The following UBA6 variants were observed in gnomAD, a reference collection of about 807,000 sequenced individuals.
UBA6 encodes ubiquitin like modifier activating enzyme 6, also known as ubiquitin-like modifier-activating enzyme 6.
A neutral mutation model predicts 148.3 loss-of-function variants in UBA6; 87 were observed. The ratio of observed to expected loss-of-function variants is 0.59; its 90% CI spans 0.49 to 0.70. The LOEUF (loss-of-function observed/expected upper bound fraction) is 0.70, where lower values mean the gene tolerates loss of function less well. Ranked by LOEUF, UBA6 falls within the 30% of genes least tolerant of loss-of-function variation. The pLI, the probability that UBA6 is intolerant of heterozygous loss-of-function variation, is 0.00. For synonymous variants in UBA6, 376 were observed against 401.0 expected (o/e 0.94, Z 0.75); for missense variants, 1,186 against 1,241.2 (o/e 0.96, Z 0.67).
At position 67,616,381 on chromosome 4, in the gene UBA6, G is replaced by C. The variant is rs966730565; in HGVS notation, c.*2616C>G. 5 of 340,996 alleles carry C rather than the reference G, an allele frequency of 1.5e-5. No homozygotes were observed. Among genetic ancestry groups the C allele is most frequent in the African/African-American group, 8.4e-5 (4 of 47,472 alleles). 21.1% of individuals were successfully genotyped at this position (340,996 alleles called of 1,614,324 possible). On this transcript the variant is annotated 3_prime_UTR_variant, in exon 33 of 33. Transcript: ENST00000322244. ...TTTTACTAATTATAAAATAAACATA[G>C]TTGCTTTTTTAATGTTCCATGAATA...
At chr4:67,660,363 T>C (rs1199126638) in intron 13 of UBA6, among the ~76,000 whole-genome samples, 2 of 152,142 alleles carry the variant, frequency 1.3e-5, no homozygotes, top group Non-Finnish European at 2.9e-5. Context: ...AAAATGGTTT[T>C]GTGGGGTGGG....
At chr4:67,634,843 A>G (rs1729098356) in intron 20 of UBA6, among the ~76,000 whole-genome samples, 1 of 152,132 alleles carries the variant, frequency 6.6e-6, no homozygotes, top group Non-Finnish European at 1.5e-5. Context: ...TTAAAGTTTT[A>G]TAACACTGCC....
At chr4:67,620,022 A>C (rs1351008830) in intron 32 of UBA6, among the ~76,000 whole-genome samples, 1 of 152,160 alleles carries the variant, frequency 6.6e-6, no homozygotes, top group Non-Finnish European at 1.5e-5. Context: ...CCAGGCTCTG[A>C]ACTATATCGA....
Position 67,618,316 on chromosome 4 carries a change from T to C in UBA6, c.*681A>G, listed in dbSNP as rs1728674860. 6.6e-6 allele frequency: 1 copy of C among 152,626 alleles called. No individual in the cohort carries two copies. The highest frequency in any genetic ancestry group is 2.4e-5 in the African/African-American group (1 of 41,456). The allele number at this position is 152,626 out of a possible 1,614,324, so 9.5% of individuals were successfully genotyped here. On this transcript the variant is annotated 3_prime_UTR_variant, in exon 33 of 33. Coordinates refer to ENST00000322244, the MANE Select transcript of UBA6 (RefSeq NM_018227.6). ...AAGAGCGTTGTGAGAGTCCATATAA[T>C]ACTGTTCACGTTTAGTCTAAGTTAA...
At chr4:67,664,322 T>TA (rs1485709012) in intron 10 of UBA6, among the ~76,000 whole-genome samples, 6 of 151,546 alleles carry the variant, frequency 4.0e-5, no homozygotes, top group Middle Eastern at 3.4e-3. Context: ...AAACCCCCCC[T>TA]AAAAAAAACC....
intron 6 of UBA6, among the ~76,000 whole-genome samples, chr4:67,676,791 C>T (rs1430035624): frequency 6.6e-6 from 1 of 151,808 alleles, no homozygotes; most frequent in East Asian, 1.9e-4. Flanking sequence ...AAAAGAAAGT[C>T]TGTTTAGAAA....
chr4:67,631,876 G>A lies in UBA6; in HGVS notation c.2175C>T (p.Asp725=), dbSNP rs1357445177. The A allele has an allele frequency of 1.9e-6, 3 of 1,612,348 alleles. No homozygotes were observed. The highest frequency in any genetic ancestry group is 8.5e-7 in the Non-Finnish European group (1 of 1,179,206). ...ACTTACTGCCATCTTTTAATCGTAT[G>A]TCCAGAGGGAAACAGTGAAGAAGCT... The part of the protein sequence containing the change: ...ALQLLHCFPL[D]IRLKDGSLFW... Residue 725 remains aspartate (D), a synonymous_variant, in exon 24 of 33, where the codon GAC becomes GAT. Transcript: ENST00000322244.
chr4:67,615,581 A>C lies in UBA6; in HGVS notation c.*3416T>G, dbSNP rs961498417. On this transcript the variant is annotated 3_prime_UTR_variant, in exon 33 of 33. Coordinates refer to ENST00000322244, the MANE Select transcript of UBA6 (RefSeq NM_018227.6). The stretch of plus-strand genomic sequence containing the variant: ...TACTCTTTGTACTAGGAGTTACATA[A>C]AATGATGTTCATTGTGAAACTGTAA... The C allele has an allele frequency of 6.6e-6, 1 of 152,222 alleles. No individual in the cohort carries two copies. Among genetic ancestry groups the C allele is most frequent in the African/African-American group, 2.4e-5 (1 of 41,450 alleles). The allele number at this position is 152,222 out of a possible 1,614,324, so 9.4% of individuals were successfully genotyped here.
intron 12 of UBA6, 135 bp from the exon 13 acceptor site, chr4:67,662,390 A>G (rs1339542412): frequency 9.5e-6 from 6 of 629,196 alleles, no homozygotes; most frequent in Non-Finnish European, 1.6e-5. Context: ...AAAATGTTGT[A>G]CTGATTTAAA....
intron 1 of UBA6, 71 bp downstream of exon 1, chr4:67,700,974 GGAAA>G (rs1730967951): frequency 1.3e-6 from 2 of 1,584,950 alleles, no homozygotes; most frequent in South Asian, 1.1e-5. Context: ...CCAGCCCGCC[GGAAA>G]GAAAGAAGCA....
At position 67,696,507 on chromosome 4, in the gene UBA6, A is replaced by G. The variant is rs150721497; in HGVS notation, c.134+138T>C. 1.7e-3 allele frequency: 1,008 copies of G among 583,926 alleles called. 10 individuals are homozygous for G. The African/African-American group carries it at 0.018, about 10-fold the overall frequency. The allele number at this position is 583,926 out of a possible 1,614,324, so 36.2% of individuals were successfully genotyped here. ...TACACACACATATATATACACACAT[A>G]CATATATACATACACACACACACAC... is the stretch of plus-strand genomic sequence containing the variant. On this transcript the variant is annotated intron_variant, in intron 2 of 32. Transcript: ENST00000322244.
intron 2 of UBA6, among the ~76,000 whole-genome samples, chr4:67,683,223 T>C (rs1373419919): frequency 6.6e-6 from 1 of 152,250 alleles, no homozygotes; most frequent in Non-Finnish European, 1.5e-5. Context: ...AAAGTTCTTA[T>C]ATAGTCTTAC....
chr4:67,691,182 A>C (rs747712968), intron 2 of UBA6, among the ~76,000 whole-genome samples: 61 of 152,152 alleles, frequency 4.0e-4, no homozygotes, highest in Non-Finnish European at 7.1e-4. Flanking sequence ...AGAAATACCC[A>C]AAAATTAAGA....
intron 19 of UBA6, 22 bp downstream of exon 19, chr4:67,638,921 A>T (rs750200640): frequency 6.4e-7 from 1 of 1,553,406 alleles, no homozygotes; most frequent in South Asian, 1.2e-5. Context: ...ATTCTGTAGG[A>T]ACATGAATTT....
At chr4:67,627,125 T>C (rs1014582371) in intron 27 of UBA6, among the ~76,000 whole-genome samples, 5 of 151,950 alleles carry the variant, frequency 3.3e-5, no homozygotes, top group African/African-American at 1.2e-4. Context: ...ACTTATTAGA[T>C]ATTCCCTGAG....
chr4:67,672,675 A>G (rs768940045), intron 7 of UBA6, among the ~76,000 whole-genome samples: 4 of 152,106 alleles, frequency 2.6e-5, no homozygotes, highest in Middle Eastern at 3.4e-3. Context: ...TTACCACTCT[A>G]TTTTGGTCCT....
At chr4:67,660,711 T>A (rs1038341148) in intron 13 of UBA6, among the ~76,000 whole-genome samples, 1 of 152,172 alleles carries the variant, frequency 6.6e-6, no homozygotes, top group African/African-American at 2.4e-5. Context: ...CACTGCCTAG[T>A]AGAGCTGTGA....
chr4:67,688,885 T>C (rs909291573), intron 2 of UBA6, among the ~76,000 whole-genome samples: 10 of 152,246 alleles, frequency 6.6e-5, no homozygotes, highest in African/African-American at 1.7e-4. Flanking sequence ...AAAAAACCTG[T>C]GTATCTAGTA....
intron 29 of UBA6, 120 bp from the exon 30 acceptor site, chr4:67,624,373 G>A (rs1021416962): frequency 1.4e-5 from 12 of 843,554 alleles, no homozygotes; most frequent in African/African-American, 7.0e-5. Context: ...AGCAGCTATG[G>A]GACTATAGTA....
Sources: gnomAD v4.1 joint callset for allele counts (sites outside exome capture counted in the v4.1 genomes callset) on GRCh38, gnomAD v4.1.1 for gene constraint, MANE v1.5 for transcripts, NCBI Gene and HGNC (gene_info 2026-07-23, HGNC 2026-07-21) for gene names.